ELOVL5: variants seen among roughly 807,000 people sequenced by gnomAD.
The protein encoded by ELOVL5 is ELOVL fatty acid elongase 5.
In ELOVL5, 8 loss-of-function variants were observed where a neutral mutation model predicts 38.6. The ratio of observed to expected loss-of-function variants is 0.21; its 90% CI spans 0.12 to 0.37. The LOEUF (loss-of-function observed/expected upper bound fraction) is 0.37. Among genes scored for constraint, ELOVL5 ranks in the 10% least tolerant of loss-of-function variants. ELOVL5 has a pLI of 1.00. For missense variants in ELOVL5, 280 were observed against 367.8 expected (o/e 0.76, Z 1.95); for synonymous variants, 127 against 133.7 (o/e 0.95, Z 0.34).
At chr6:53,292,796 T>C (rs2127574715) in intron 2 of ELOVL5, among the ~76,000 whole-genome samples, 1 of 151,782 alleles carries the variant, frequency 6.6e-6, no homozygotes, top group East Asian at 1.9e-4. Flanking sequence ...GTCTCAAAAA[T>C]GAAAATAAAA....
chr6:53,317,629 C>A (rs1012283285), intron 1 of ELOVL5, among the ~76,000 whole-genome samples: 1 of 151,840 alleles, frequency 6.6e-6, no homozygotes, highest in African/African-American at 2.4e-5. Flanking sequence ...GAGCGTCACA[C>A]CACGGGGACT....
rs373747894 is a variant in ELOVL5 at position 53,298,891 on chromosome 6, G to T, written c.-8-3184C>A. Among the ~76,000 whole-genome samples the T allele has an allele frequency of 2.6e-4, 35 of 136,166 alleles. 1 individual carries two copies. The highest frequency in any genetic ancestry group is 9.9e-4 in the African/African-American group (33 of 33,328). 89.3% of individuals were successfully genotyped at this position (136,166 alleles called of 152,430 possible). A position where few individuals can be genotyped will look rare whatever the true frequency, so the allele number is the denominator to read the frequency against. ...CCTAGAGAGACAGCAAGAGAAGGTG[G>T]GGGCAAGGCGGGGGGGGGGAGTTGA... On this transcript the variant is annotated intron_variant, in intron 1 of 7. Transcript: ENST00000304434.
At chr6:53,296,699 C>T (rs1767015693) in intron 1 of ELOVL5, among the ~76,000 whole-genome samples, 1 of 152,096 alleles carries the variant, frequency 6.6e-6, no homozygotes, top group East Asian at 1.9e-4. Flanking sequence ...TCTATAGCTC[C>T]CTACCTTCCC....
At chr6:53,292,627 C>T (rs1009206169) in intron 2 of ELOVL5, among the ~76,000 whole-genome samples, 1 of 152,154 alleles carries the variant, frequency 6.6e-6, no homozygotes, top group African/African-American at 2.4e-5. Flanking sequence ...ACTATCTCTA[C>T]TAAAAATATA....
intron 1 of ELOVL5, among the ~76,000 whole-genome samples, chr6:53,305,467 G>A: frequency 6.8e-6 from 1 of 146,112 alleles, no homozygotes; most frequent in South Asian, 2.2e-4. Flanking sequence ...GGGCGGAGGG[G>A]CTCCTCACTT....
At position 53,281,894 on chromosome 6, in the gene ELOVL5, A is replaced by G. The variant is rs138427722; in HGVS notation, c.247-5638T>C. ...TAGCTGAACGTAACACTCTTGGCTA[A>G]GTTAAAAAAGACAGGTTCTGTACAC... is the stretch of plus-strand genomic sequence containing the variant. On this transcript the variant is annotated intron_variant, in intron 3 of 7. Transcript: ENST00000304434. Among the ~76,000 whole-genome samples the G allele has an allele frequency of 6.2e-4, 95 of 152,172 alleles. 4 individuals carry two copies. In the East Asian group the frequency reaches 0.017, roughly 28 times the overall value.
chr6:53,294,170 C>T, intron 2 of ELOVL5: 1 of 1,422,860 alleles, frequency 7.0e-7, no homozygotes, highest in Non-Finnish European at 9.2e-7. Context: ...ACATATTCAT[C>T]CTCCCACACC....
At chr6:53,324,271 AAAAAG>A (rs1768422025) in intron 1 of ELOVL5, among the ~76,000 whole-genome samples, 1 of 143,852 alleles carries the variant, frequency 7.0e-6, no homozygotes, top group Non-Finnish European at 1.5e-5. Context: ...AAAAAAAAAA[AAAAAG>A]AAAAAAAAGA....
intron 1 of ELOVL5, among the ~76,000 whole-genome samples, chr6:53,311,830 C>A (rs545439596): frequency 4.6e-5 from 7 of 152,056 alleles, no homozygotes; most frequent in African/African-American, 1.4e-4. Context: ...GGGAAGTGAC[C>A]GATACTGTTT....
At chr6:53,291,309 A>G (rs1766767127) in intron 3 of ELOVL5, among the ~76,000 whole-genome samples, 1 of 152,208 alleles carries the variant, frequency 6.6e-6, no homozygotes, top group Non-Finnish European at 1.5e-5. Flanking sequence ...CTGAGATTTG[A>G]CAAGTTATCC....
Position 53,348,927 on chromosome 6 carries a change from C to A in ELOVL5, c.-119G>T. ...CGGATGTAGAAGGAGACACCGGTGGCTAGGACCCGCGCGATGGGAAGAGGA... is the reference window on the plus strand; with the variant it reads ...CGGATGTAGAAGGAGACACCGGTGGATAGGACCCGCGCGATGGGAAGAGGA... On this transcript the variant is annotated 5_prime_UTR_variant, in exon 1 of 8. Coordinates refer to ENST00000304434, the MANE Select transcript of ELOVL5 (RefSeq NM_021814.5). The A allele has an allele frequency of 2.3e-6, 1 of 441,682 alleles. No individual in the cohort carries two copies. The highest frequency in any genetic ancestry group is 1.6e-5 in the South Asian group (1 of 63,738). 27.4% of individuals were successfully genotyped at this position (441,682 alleles called of 1,614,324 possible).
chr6:53,314,860 C>G (rs1317788003), intron 1 of ELOVL5, among the ~76,000 whole-genome samples: 5 of 152,184 alleles, frequency 3.3e-5, no homozygotes, highest in African/African-American at 1.2e-4. Flanking sequence ...TTTGGAAAAG[C>G]TATCACATAT....
At chr6:53,306,792 G>A (rs1310392662) in intron 1 of ELOVL5, among the ~76,000 whole-genome samples, 2 of 152,210 alleles carry the variant, frequency 1.3e-5, no homozygotes, top group African/African-American at 2.4e-5. Flanking sequence ...AGAAGAAGAA[G>A]TGGTGATAAC....
chr6:53,281,385 C>T (rs996523350), intron 3 of ELOVL5, among the ~76,000 whole-genome samples: 5 of 152,074 alleles, frequency 3.3e-5, no homozygotes, highest in Admixed American at 6.6e-5. Flanking sequence ...GGTACAAGCT[C>T]GTATTTTTAA....
At chr6:53,298,153 T>G (rs1767092410) in intron 1 of ELOVL5, among the ~76,000 whole-genome samples, 1 of 152,180 alleles carries the variant, frequency 6.6e-6, no homozygotes, top group African/African-American at 2.4e-5. Context: ...CAATTTAATT[T>G]CATCTATGAT....
chr6:53,279,195 C>T (rs1766263880), intron 3 of ELOVL5, among the ~76,000 whole-genome samples: 2 of 152,170 alleles, frequency 1.3e-5, no homozygotes, highest in African/African-American at 4.8e-5. Flanking sequence ...GTACATAATG[C>T]CTGTCTCACC....
chr6:53,276,289 C>T, intron 3 of ELOVL5, 33 bp from the exon 4 acceptor site: 1 of 1,368,290 alleles, frequency 7.3e-7, no homozygotes, highest in Non-Finnish European at 1.0e-6. Context: ...TCACCAACAG[C>T]ATCTGAGCCA....
chr6:53,300,219 G>A (rs961836288), intron 1 of ELOVL5, among the ~76,000 whole-genome samples: 1 of 152,098 alleles, frequency 6.6e-6, no homozygotes, highest in African/African-American at 2.4e-5. Context: ...AGGTTACTAA[G>A]AGACACCTTC....
intron 1 of ELOVL5, among the ~76,000 whole-genome samples, chr6:53,301,337 T>C (rs972781537): frequency 6.6e-5 from 10 of 152,092 alleles, no homozygotes; most frequent in Admixed American, 1.3e-4. Flanking sequence ...CTCTGTACAA[T>C]TGTACTAGCA....
Sources: allele counts gnomAD v4.1 joint callset (sites outside exome capture counted in the v4.1 genomes callset), GRCh38; gene constraint gnomAD v4.1.1; transcripts MANE v1.5; gene names NCBI Gene and HGNC (gene_info 2026-07-23, HGNC 2026-07-21).